Variants in CDKAL1 observed in about 807,000 individuals in gnomAD.
CDKAL1 encodes the protein CDKAL1 threonylcarbamoyladenosine tRNA methylthiotransferase.
CDKAL1 carries 32 observed loss-of-function variants against 68.2 expected under a neutral mutation model. The observed-to-expected ratio is 0.47, with a 90% CI of 0.35 to 0.63. The LOEUF (loss-of-function observed/expected upper bound fraction) is 0.63. CDKAL1 is among the 30% of genes least tolerant of loss of function. The pLI, the probability that CDKAL1 is intolerant of heterozygous loss-of-function variation, is 0.00. For missense variants in CDKAL1, 606 were observed against 696.7 expected (o/e 0.87, Z 1.47); for synonymous variants, 234 against 244.3 (o/e 0.96, Z 0.39).
intron 9 of CDKAL1, among the ~76,000 whole-genome samples, 194 bp downstream of exon 9, chr6:20,846,372 C>A (rs6941508): frequency 0.74 from 113,163 of 152,094 alleles, 42,219 homozygotes; most frequent in Non-Finnish European, 0.76. Flanking sequence ...TCTTCTTTTA[C>A]TACGCTTCTG....
chr6:21,085,683 T>C (rs1164042247), intron 12 of CDKAL1, among the ~76,000 whole-genome samples: 1 of 152,164 alleles, frequency 6.6e-6, no homozygotes, highest in African/African-American at 2.4e-5. Flanking sequence ...TTTTACCAGG[T>C]GCTTTGGGCT....
intron 13 of CDKAL1, among the ~76,000 whole-genome samples, chr6:21,174,060 A>G (rs1366495830): frequency 2.0e-5 from 3 of 152,196 alleles, no homozygotes; most frequent in African/African-American, 7.2e-5. Context: ...AGTGACAGAA[A>G]AAAAGAGAGA....
intron 7 of CDKAL1, among the ~76,000 whole-genome samples, chr6:20,773,680 T>A (rs2150365480): frequency 6.6e-6 from 1 of 152,162 alleles, no homozygotes; most frequent in Non-Finnish European, 1.5e-5. Context: ...CCCGAGTAGC[T>A]GGGACTACAG....
chr6:21,000,463 A>C, intron 11 of CDKAL1, 91 bp downstream of exon 11: 3 of 1,129,244 alleles, frequency 2.7e-6, no homozygotes, highest in African/African-American at 3.1e-5. Context: ...TTACAATTAA[A>C]GGTACAAGAG....
chr6:21,018,293 A>G (rs1052282569), intron 11 of CDKAL1, among the ~76,000 whole-genome samples: 4 of 152,234 alleles, frequency 2.6e-5, no homozygotes, highest in African/African-American at 4.8e-5. Flanking sequence ...CGGAAAATAA[A>G]TGTAATAATT....
intron 9 of CDKAL1, among the ~76,000 whole-genome samples, chr6:20,894,868 T>C (rs571938116): frequency 1.2e-4 from 19 of 152,154 alleles, no homozygotes; most frequent in African/African-American, 4.3e-4. Flanking sequence ...GTAGGTAAGA[T>C]AACTGATACT....
chr6:20,925,979 G>A (rs1475751588), intron 9 of CDKAL1, among the ~76,000 whole-genome samples: 2 of 152,044 alleles, frequency 1.3e-5, no homozygotes, highest in African/African-American at 4.8e-5. Context: ...AAAATAAATT[G>A]GTACATCTTT....
At chr6:20,798,064 C>T (rs146418709) in intron 8 of CDKAL1, among the ~76,000 whole-genome samples, 1,635 of 152,060 alleles carry the variant, frequency 0.011, 28 homozygotes, top group African/African-American at 0.036. Context: ...GATCTTCCCA[C>T]CTCGGCCTCC....
intron 10 of CDKAL1, among the ~76,000 whole-genome samples, chr6:20,980,940 G>A (rs1766113351): frequency 6.6e-6 from 1 of 152,150 alleles, no homozygotes; most frequent in African/African-American, 2.4e-5. Flanking sequence ...GTTATGGTTT[G>A]TAAGAAAAAA....
chr6:20,602,399 T>A (rs376615506), intron 4 of CDKAL1, among the ~76,000 whole-genome samples: 1 of 152,296 alleles, frequency 6.6e-6, no homozygotes, highest in African/African-American at 2.4e-5. Flanking sequence ...AATCAGCTAA[T>A]TGAATCTCAC....
chr6:21,017,613 T>G (rs956269665), intron 11 of CDKAL1, among the ~76,000 whole-genome samples: 1 of 152,192 alleles, frequency 6.6e-6, no homozygotes, highest in Non-Finnish European at 1.5e-5. Flanking sequence ...ATAACCGTAT[T>G]CTGTAGTAAA....
At chr6:20,926,312 T>G (rs1458900259) in intron 9 of CDKAL1, among the ~76,000 whole-genome samples, 1 of 152,098 alleles carries the variant, frequency 6.6e-6, no homozygotes, top group Non-Finnish European at 1.5e-5. Flanking sequence ...CAAGGATATG[T>G]TGATCTTGTA....
At chr6:20,918,850 T>G (rs1217918303) in intron 9 of CDKAL1, among the ~76,000 whole-genome samples, 1 of 152,210 alleles carries the variant, frequency 6.6e-6, no homozygotes, top group African/African-American at 2.4e-5. Flanking sequence ...CCCTATAAGA[T>G]GCTGAGGTGA....
At chr6:20,751,191 G>A (rs761476850) in intron 6 of CDKAL1, among the ~76,000 whole-genome samples, 38 of 151,964 alleles carry the variant, frequency 2.5e-4, no homozygotes, top group Admixed American at 5.9e-4. Context: ...CAGAACCTTC[G>A]ACTGCAGAGT....
At chr6:21,117,130 A>G (rs1455021044) in intron 13 of CDKAL1, among the ~76,000 whole-genome samples, 1 of 151,850 alleles carries the variant, frequency 6.6e-6, no homozygotes, top group African/African-American at 2.4e-5. Context: ...TTTTTCCTGT[A>G]TCTCCCCACC....
intron 11 of CDKAL1, among the ~76,000 whole-genome samples, chr6:21,049,651 T>TA (rs1770431298): frequency 1.3e-5 from 2 of 152,194 alleles, no homozygotes; most frequent in Non-Finnish European, 1.5e-5. Flanking sequence ...TGTTACAGGA[T>TA]AAAAAACTTA....
intron 10 of CDKAL1, among the ~76,000 whole-genome samples, chr6:20,958,270 A>C (rs1764886504): frequency 6.6e-6 from 1 of 152,212 alleles, no homozygotes; most frequent in South Asian, 2.1e-4. Context: ...TCTCAAAGTA[A>C]GAGGTTTTAA....
chr6:20,891,824 C>G (rs772394857), intron 9 of CDKAL1, among the ~76,000 whole-genome samples: 9 of 152,148 alleles, frequency 5.9e-5, no homozygotes, highest in Non-Finnish European at 1.2e-4. Flanking sequence ...TGAGCCACGG[C>G]GCCTGGCCCA....
At chr6:21,166,963 G>C (rs1777179526) in intron 13 of CDKAL1, among the ~76,000 whole-genome samples, 1 of 152,306 alleles carries the variant, frequency 6.6e-6, no homozygotes, top group East Asian at 1.9e-4. Context: ...CCATATACCA[G>C]CTGGGTGACC....
Sources: gnomAD v4.1 joint callset for allele counts (sites outside exome capture counted in the v4.1 genomes callset) on GRCh38, gnomAD v4.1.1 for gene constraint, MANE v1.5 for transcripts, NCBI Gene and HGNC (gene_info 2026-07-23, HGNC 2026-07-21) for gene names.